The following CSMD1 variants were observed in gnomAD, a reference collection of about 807,000 sequenced individuals.
CSMD1 encodes the protein CUB and Sushi multiple domains 1.
A neutral mutation model predicts 417.5 loss-of-function variants in CSMD1; 213 were observed. The observed-to-expected ratio is 0.51, with a 90% confidence interval of 0.46 to 0.57. CSMD1 has a LOEUF of 0.57. Among genes scored for constraint, CSMD1 ranks in the 20% least tolerant of loss-of-function variants. CSMD1 has a pLI of 0.00. For synonymous variants in CSMD1, 2,862 were observed against 1,736.8 expected, an observed-to-expected ratio of 1.65 and a Z score of -16.11; for missense variants, 6,923 against 4,529.7, an observed-to-expected ratio of 1.53 and a Z score of -15.17.
intron 3 of CSMD1, among the ~76,000 whole-genome samples, chr8:4,070,954 A>C (rs887107151): frequency 1.6e-4 from 25 of 152,140 alleles, no homozygotes; most frequent in Non-Finnish European, 1.5e-5. Context: ...GTTTGATGTA[A>C]AATCAGCAAT....
intron 2 of CSMD1, among the ~76,000 whole-genome samples, chr8:4,607,897 G>T (rs1314091142): frequency 1.3e-5 from 2 of 152,006 alleles, no homozygotes; most frequent in African/African-American, 4.8e-5. Flanking sequence ...TTCTTACTGT[G>T]GTGTCAAGAG....
At chr8:4,441,259 AGTTT>A (rs1798461545) in intron 2 of CSMD1, among the ~76,000 whole-genome samples, 1 of 106,330 alleles carries the variant, frequency 9.4e-6, no homozygotes, top group Non-Finnish European at 1.9e-5. Context: ...CACTACACTC[AGTTT>A]TTTTTTTTTT....
intron 3 of CSMD1, among the ~76,000 whole-genome samples, chr8:4,104,820 T>G (rs548192723): frequency 6.6e-6 from 1 of 152,316 alleles, no homozygotes; most frequent in East Asian, 1.9e-4. Context: ...TGTCTTTAAA[T>G]GTTTCCTTGA....
intron 5 of CSMD1, among the ~76,000 whole-genome samples, chr8:3,930,975 G>T (rs1345756600): frequency 1.3e-5 from 2 of 150,512 alleles, no homozygotes; most frequent in African/African-American, 4.9e-5. Context: ...AAAACGCCCT[G>T]TGGAATATCA....
At chr8:4,118,260 T>A (rs981631464) in intron 3 of CSMD1, among the ~76,000 whole-genome samples, 1 of 152,160 alleles carries the variant, frequency 6.6e-6, no homozygotes, top group Non-Finnish European at 1.5e-5. Context: ...TTCTGAAACA[T>A]GCCCTTAAGA....
At chr8:3,898,364 G>C (rs898417523) in intron 5 of CSMD1, among the ~76,000 whole-genome samples, 6 of 48,642 alleles carry the variant, frequency 1.2e-4, no homozygotes, top group Non-Finnish European at 4.9e-4. Flanking sequence ...CTGTTATATG[G>C]CATGATCTGT....
chr8:3,190,136 A>G, intron 33 of CSMD1, 21 bp from the exon 34 acceptor site: 1 of 1,555,812 alleles, frequency 6.4e-7, no homozygotes, highest in Non-Finnish European at 8.7e-7. Flanking sequence ...AGTACAGAAC[A>G]CAGCCGTCTG....
chr8:4,000,647 A>G (rs1815595869), intron 4 of CSMD1, among the ~76,000 whole-genome samples: 1 of 152,228 alleles, frequency 6.6e-6, no homozygotes, highest in Non-Finnish European at 1.5e-5. Flanking sequence ...CTAGAGACAG[A>G]TATTTACTTT....
At chr8:3,983,710 A>G (rs769626521) in intron 5 of CSMD1, among the ~76,000 whole-genome samples, 12 of 152,236 alleles carry the variant, frequency 7.9e-5, no homozygotes, top group African/African-American at 1.4e-4. Context: ...ATTGGGGGCC[A>G]TTGCTAAGTA....
Position 3,515,721 on chromosome 8 carries a change from C to T in CSMD1, c.1345-21995G>A, listed in dbSNP as rs118083418. ...GGCCAAAATGAAGAATGTTATTCAG[C>T]ATTCATTAATTCAGGTGTATGCCTT... On this transcript the variant is annotated intron_variant, in intron 10 of 69. Transcript: ENST00000635120. Among the ~76,000 whole-genome samples the T allele has an allele frequency of 4.6e-3, 703 of 152,276 alleles. 4 individuals carry two copies. The highest frequency in any genetic ancestry group is 8.1e-3 in the Non-Finnish European group (549 of 68,024).
At chr8:4,126,772 A>C (rs112971815) in intron 3 of CSMD1, among the ~76,000 whole-genome samples, 15 of 152,306 alleles carry the variant, frequency 9.8e-5, no homozygotes, top group African/African-American at 3.6e-4. Flanking sequence ...CTTTTCTCAT[A>C]GAAACAGGCA....
chr8:3,028,323 G>C (rs768267891), intron 51 of CSMD1, among the ~76,000 whole-genome samples: 1 of 152,124 alleles, frequency 6.6e-6, no homozygotes, highest in Non-Finnish European at 1.5e-5. Flanking sequence ...CAAGAATGTC[G>C]GGAAGGGGGG....
chr8:4,534,013 G>T (rs756374652), intron 2 of CSMD1, among the ~76,000 whole-genome samples: 2 of 151,462 alleles, frequency 1.3e-5, no homozygotes, highest in Non-Finnish European at 2.9e-5. Context: ...TATAACATTT[G>T]TGGATAAACA....
intron 1 of CSMD1, among the ~76,000 whole-genome samples, chr8:4,820,486 A>T (rs1463362435): frequency 6.6e-6 from 1 of 152,196 alleles, no homozygotes; most frequent in Non-Finnish European, 1.5e-5. Context: ...AAAGCCTACC[A>T]AAGAGCCATA....
At chr8:3,068,969 A>T (rs1399996503) in intron 49 of CSMD1, among the ~76,000 whole-genome samples, 1 of 152,156 alleles carries the variant, frequency 6.6e-6, no homozygotes, top group African/African-American at 2.4e-5. Context: ...ACAGAAGCCA[A>T]AAGTTCATAA....
chr8:4,682,073 C>T (rs1367315322), intron 1 of CSMD1, among the ~76,000 whole-genome samples: 1 of 152,136 alleles, frequency 6.6e-6, no homozygotes, highest in African/African-American at 2.4e-5. Flanking sequence ...GGCTGAAGTG[C>T]TGTGGGGTGA....
At position 4,353,213 on chromosome 8, in the gene CSMD1, G is replaced by C. The variant is rs112826475; in HGVS notation, c.415+66740C>G. 4.3e-3 allele frequency among the ~76,000 whole-genome samples: 658 copies of C among 152,160 alleles called. 6 individuals carry two copies. The highest frequency in any genetic ancestry group is 0.015 in the African/African-American group (620 of 41,506). The stretch of plus-strand genomic sequence containing the variant: ...CAAGTGTGGAGCCAGGTGGAGACAA[G>C]TGAATCATGACGACGGTTTCCCCCA... On this transcript the variant is annotated intron_variant, in intron 3 of 69. Coordinates refer to ENST00000635120, the MANE Select transcript of CSMD1 (RefSeq NM_033225.6).
chr8:3,194,051 C>T (rs1796567690), intron 33 of CSMD1, among the ~76,000 whole-genome samples: 1 of 152,116 alleles, frequency 6.6e-6, no homozygotes, highest in Admixed American at 6.5e-5. Context: ...CAAAATCATT[C>T]CTCTCTCATC....
At chr8:4,699,487 T>C (rs1003747441) in intron 1 of CSMD1, among the ~76,000 whole-genome samples, 38 of 152,218 alleles carry the variant, frequency 2.5e-4, no homozygotes, top group African/African-American at 7.7e-4. Context: ...TCTGTGCTAA[T>C]GAGAAAGTCA....
Sources: allele counts gnomAD v4.1 joint callset (sites outside exome capture counted in the v4.1 genomes callset), GRCh38; gene constraint gnomAD v4.1.1; transcripts MANE v1.5; gene names NCBI Gene and HGNC (gene_info 2026-07-23, HGNC 2026-07-21).